RSPRY1: variants seen among roughly 807,000 people sequenced by gnomAD.
RSPRY1 encodes ring finger and SPRY domain containing 1.
RSPRY1 carries 23 observed loss-of-function variants against 73.1 expected under a neutral mutation model. The observed-to-expected ratio is 0.31, with a 90% confidence interval of 0.23 to 0.45. The LOEUF is 0.45. RSPRY1 is among the 20% of genes least tolerant of loss of function. RSPRY1 has a pLI of 1.00. For synonymous variants in RSPRY1, 226 were observed against 251.4 expected (o/e 0.90, Z 0.95); for missense variants, 448 against 698.7 (o/e 0.64, Z 4.05).
chr16:57,213,398 T>C (rs1266837353), intron 5 of RSPRY1, among the ~76,000 whole-genome samples: 5 of 152,202 alleles, frequency 3.3e-5, no homozygotes, highest in African/African-American at 9.6e-5. Context: ...ATAACAAAGA[T>C]ATGTATGTGT....
chr16:57,229,396 C>T (rs192669033), intron 11 of RSPRY1, among the ~76,000 whole-genome samples: 1 of 152,196 alleles, frequency 6.6e-6, no homozygotes, highest in East Asian at 1.9e-4. Flanking sequence ...GAGAGGATCA[C>T]TTGGGGCCAG....
At chr16:57,220,522 C>G in intron 8 of RSPRY1, 1 of 313,088 alleles carries the variant, frequency 3.2e-6, no homozygotes, top group Non-Finnish European at 6.0e-6. Flanking sequence ...ACTGAATTTG[C>G]TTTTTAGTTC....
chr16:57,186,836 C>A (rs1264104159), intron 1 of RSPRY1: 1 of 151,924 alleles, frequency 6.6e-6, no homozygotes, highest in Non-Finnish European at 1.5e-5. Context: ...CCGATGGGGT[C>A]CTGACCTACT....
chr16:57,212,874 A>T, intron 4 of RSPRY1, 98 bp from the exon 5 acceptor site: 1 of 1,342,338 alleles, frequency 7.4e-7, no homozygotes, highest in Non-Finnish European at 1.0e-6. Flanking sequence ...CGGCCTCCCA[A>T]AGTGCTGGTT....
chr16:57,230,780 T>C lies in RSPRY1; in HGVS notation c.1343T>C (p.Leu448Pro). Residue 448 changes from leucine to proline, a missense_variant, in exon 12 of 15, where the codon CTG becomes CCG. Transcript: ENST00000394420. ...ATCTTCTTTTTAAATGGCAACCAGC[T>C]GCCTCCTGAAAAGCAAGTCTTTTCA... ...QMIFFLNGNQ[L>P]PPEKQVFSST... 1 of 1,612,100 alleles carries C rather than the reference T, an allele frequency of 6.2e-7. No homozygotes were observed. Among genetic ancestry groups the C allele is most frequent in the Non-Finnish European group, 8.5e-7 (1 of 1,178,904 alleles).
At chr16:57,213,338 T>A (rs2074880034) in intron 5 of RSPRY1, among the ~76,000 whole-genome samples, 1 of 152,160 alleles carries the variant, frequency 6.6e-6, no homozygotes. Context: ...TTATTTGCTT[T>A]AAGAATAAGG....
At chr16:57,204,217 G>A (rs1307457636) in intron 1 of RSPRY1, among the ~76,000 whole-genome samples, 3 of 151,180 alleles carry the variant, frequency 2.0e-5, no homozygotes, top group Non-Finnish European at 4.4e-5. Context: ...TTTCTATATA[G>A]ACAGGAAAAA....
In RSPRY1 at chr16:57,239,033, G is replaced by T; in HGVS notation, c.*58G>T. The T allele has an allele frequency of 2.8e-5, 24 of 865,136 alleles. No individual in the cohort carries two copies. The highest frequency in any genetic ancestry group is 2.7e-5 in the Admixed American group (1 of 37,282). 53.6% of individuals were successfully genotyped at this position (865,136 alleles called of 1,614,324 possible). A position where few individuals can be genotyped will look rare whatever the true frequency, so the allele number is the denominator to read the frequency against. On this transcript the variant is annotated 3_prime_UTR_variant, in exon 15 of 15. Transcript: ENST00000394420. ...ACTCAATTCCAGCCAATGTTGAAAAGAAAAAGAAAAAAAAAACTCTCTAAT... is the reference window on the plus strand; with the variant it reads ...ACTCAATTCCAGCCAATGTTGAAAATAAAAAGAAAAAAAAAACTCTCTAAT...
At position 57,208,392 on chromosome 16, in the gene RSPRY1, A is replaced by T. The variant is rs1191024570; in HGVS notation, c.403+282A>T. On this transcript the variant is annotated intron_variant, in intron 3 of 14. Coordinates refer to ENST00000394420, the MANE Select transcript of RSPRY1 (RefSeq NM_133368.3). ...GGAGATTATTTATATATATATATAT[A>T]TATATATATTTTTTTTTTTTTTTGA... Among the ~76,000 whole-genome samples the T allele has an allele frequency of 1.0e-3, 92 of 88,958 alleles. 1 individual carries two copies. Among genetic ancestry groups the T allele is most frequent in the African/African-American group, 4.9e-3 (89 of 18,310 alleles). The allele number at this position is 88,958 out of a possible 152,430, so 58.4% of individuals were successfully genotyped here. A position where few individuals can be genotyped will look rare whatever the true frequency, so the allele number is the denominator to read the frequency against.
chr16:57,202,354 C>G (rs1001571141), intron 1 of RSPRY1, among the ~76,000 whole-genome samples: 18 of 152,128 alleles, frequency 1.2e-4, no homozygotes, highest in African/African-American at 4.3e-4. Context: ...CAGAGCATAG[C>G]TTCTTAAATG....
chr16:57,235,263 G>A, intron 14 of RSPRY1, 35 bp downstream of exon 14: 1 of 1,447,306 alleles, frequency 6.9e-7, no homozygotes, highest in South Asian at 1.1e-5. Context: ...GTTTCATACT[G>A]TTCTTAAATT....
At chr16:57,228,217 G>A (rs557523775) in intron 11 of RSPRY1, among the ~76,000 whole-genome samples, 1 of 145,200 alleles carries the variant, frequency 6.9e-6, no homozygotes, top group Non-Finnish European at 1.5e-5. Flanking sequence ...AGGTTGCAAT[G>A]AGCCGAGGTT....
chr16:57,200,761 C>T (rs1205521465), intron 1 of RSPRY1, among the ~76,000 whole-genome samples: 2 of 126,276 alleles, frequency 1.6e-5, no homozygotes, highest in African/African-American at 3.2e-5. Flanking sequence ...CCTCACCTCC[C>T]GGATGGGGCG....
chr16:57,210,359 T>C (rs1313401982), intron 4 of RSPRY1, among the ~76,000 whole-genome samples: 1 of 152,092 alleles, frequency 6.6e-6, no homozygotes, highest in Non-Finnish European at 1.5e-5. Flanking sequence ...GGATTATACG[T>C]GTAAGCCACT....
chr16:57,226,555 C>T (rs1346026801), intron 10 of RSPRY1, among the ~76,000 whole-genome samples: 2 of 152,164 alleles, frequency 1.3e-5, no homozygotes, highest in African/African-American at 2.4e-5. Context: ...GGGTAACTTC[C>T]AAACTGCCAT....
At chr16:57,208,204 A>T in intron 3 of RSPRY1, 94 bp downstream of exon 3, 2 of 747,264 alleles carry the variant, frequency 2.7e-6, no homozygotes, top group Non-Finnish European at 4.3e-6. Flanking sequence ...TTGTTTTGAG[A>T]TAAAAGACTC....
chr16:57,199,477 G>C (rs1227490170), intron 1 of RSPRY1, among the ~76,000 whole-genome samples: 1 of 152,158 alleles, frequency 6.6e-6, no homozygotes, highest in East Asian at 1.9e-4. Flanking sequence ...GGGTGACAGA[G>C]TGAGACTCCA....
chr16:57,186,713 C>CT (rs2074198869), intron 1 of RSPRY1: 1 of 151,692 alleles, frequency 6.6e-6, no homozygotes, highest in Non-Finnish European at 1.5e-5. Context: ...GGTGTTCCCT[C>CT]TTTCGGGGGT....
intron 10 of RSPRY1, 112 bp downstream of exon 10, chr16:57,221,527 C>T: frequency 8.6e-7 from 1 of 1,166,538 alleles, no homozygotes; most frequent in Non-Finnish European, 1.2e-6. Context: ...ATAATCTTTT[C>T]TTGGGCAGAG....
Sources: gnomAD v4.1 joint callset for allele counts (sites outside exome capture counted in the v4.1 genomes callset) on GRCh38, gnomAD v4.1.1 for gene constraint, MANE v1.5 for transcripts, NCBI Gene and HGNC (gene_info 2026-07-23, HGNC 2026-07-21) for gene names.